PTOV1: variants seen among roughly 807,000 people sequenced by gnomAD.
PTOV1 encodes PTOV1 extended AT-hook containing adaptor protein, also known as prostate tumor-overexpressed gene 1 protein.
In PTOV1, 20 loss-of-function variants were observed where a neutral mutation model predicts 58.0. The observed-to-expected ratio is 0.34, with a 90% CI of 0.24 to 0.50. PTOV1 has a LOEUF of 0.50. PTOV1 is among the 20% of genes least tolerant of loss of function. The pLI is 0.98. For missense variants in PTOV1, 593 were observed against 565.4 expected (o/e 1.05, Z -0.50); for synonymous variants, 335 against 234.2 (o/e 1.43, Z -3.93).
At chr19:49,850,903 C>G, upstream of PTOV1, 1 of 1,535,902 alleles carries the variant, frequency 6.5e-7, no homozygotes, top group South Asian at 1.2e-5. Context: ...GCCGTCCCGA[C>G]CCCCGCAAGG....
In PTOV1 at chr19:49,857,165, A is replaced by G. The variant is rs1228897334; in HGVS notation, c.714+35A>G. On this transcript the variant is annotated intron_variant, in intron 6 of 11. Transcript: ENST00000391842. The stretch of plus-strand genomic sequence containing the variant: ...CCAAGCACAGCCCCTCTGGGGACAG[A>G]GGGGGATTAGACCCCACTGCCCTGG... 9 of 1,609,596 alleles carry G rather than the reference A, an allele frequency of 5.6e-6. No homozygotes were observed. In the East Asian group the frequency reaches 6.7e-5, roughly 12 times the overall value.
rs1334806135 is a variant in PTOV1, at chr19:49,858,829, G to GATGGGGC, written c.1041+178_1041+184dup. Reference sequence around the variant, plus strand: ...GCTCTGTGCTGTCCCCACGGCACTGGATGGGGCACTGACCCTGGTTCTGCG... The same window carrying GATGGGGC: ...GCTCTGTGCTGTCCCCACGGCACTGGATGGGGCATGGGGCACTGACCCTGGTTCTGCG... On this transcript the variant is annotated intron_variant, in intron 10 of 11. Coordinates refer to ENST00000391842, the Ensembl canonical transcript of PTOV1. The GATGGGGC allele has an allele frequency of 1.5e-5, 9 of 589,498 alleles. No homozygotes were observed. In the Admixed American group the frequency reaches 2.5e-4, roughly 16 times the overall value. The allele number at this position is 589,498 out of a possible 1,614,324, so 36.5% of individuals were successfully genotyped here.
At chr19:49,853,488 T>C (rs2074335787) in intron 1 of PTOV1, among the ~76,000 whole-genome samples, 2 of 130,446 alleles carry the variant, frequency 1.5e-5, no homozygotes, top group African/African-American at 3.0e-5. Context: ...AAACCCCATC[T>C]CTACTAAAAA....
At chr19:49,858,114 G>A (rs1397880125) in exon 9 of PTOV1, 9 of 1,613,294 alleles carry the variant, frequency 5.6e-6, no homozygotes, top group South Asian at 3.3e-5. Context: ...AGCAGCTGCT[G>A]GTGAGGGGCT....
rs1026284307 is a variant in PTOV1 at position 49,857,793 on chromosome 19, G to A, written c.804+11G>A. 41 of 1,613,748 alleles carry A rather than the reference G, an allele frequency of 2.5e-5. No individual in the cohort carries two copies. The highest frequency in any genetic ancestry group is 3.3e-5 in the Non-Finnish European group (39 of 1,179,846). ...ATGGAGTGGCAGGAGGTGAGCACTC[G>A]GCAGCCCAGGGACTTGGGACCCCCA... On this transcript the variant is annotated intron_variant, in intron 7 of 11. Coordinates refer to ENST00000391842, the Ensembl canonical transcript of PTOV1.
exon 1 of PTOV1, chr19:49,851,255 C>G: frequency 5.4e-6 from 6 of 1,117,384 alleles, no homozygotes. Context: ...CGCGCCCGCG[C>G]CCCTCAGTCG....
At chr19:49,852,605 T>C (rs1396204718) in intron 1 of PTOV1, 1 of 152,224 alleles carries the variant, frequency 6.6e-6, no homozygotes, top group African/African-American at 2.4e-5. Context: ...GATGTGCTGC[T>C]CCTGCTGTGG....
exon 12 of PTOV1, chr19:49,860,384 GGGGGGT>G: frequency 1.6e-6 from 2 of 1,274,286 alleles, no homozygotes; most frequent in Non-Finnish European, 2.2e-6. Context: ...GGGCATGTGG[GGGGGGT>G]GGGGTTGGGA....
chr19:49,860,381 T>TGGG (rs577978306), exon 12 of PTOV1: 31 of 321,074 alleles, frequency 9.7e-5, no homozygotes, highest in Middle Eastern at 9.4e-4. Context: ...CTGGGGCATG[T>TGGG]GGGGGGGGTG....
chr19:49,850,907 C>T (rs1223093539), upstream of PTOV1: 2 of 1,535,940 alleles, frequency 1.3e-6, no homozygotes, highest in Non-Finnish European at 1.7e-6. Context: ...TCCCGACCCC[C>T]GCAAGGGGCC....
At chr19:49,860,665 T>A in exon 12 of PTOV1, 1 of 398,376 alleles carries the variant, frequency 2.5e-6, no homozygotes, top group Non-Finnish European at 4.5e-6. Context: ...CCCAGCAACA[T>A]GGAGGATGGT....
chr19:49,858,274 T>G (rs140804493), intron 9 of PTOV1, 160 bp downstream of exon 9: 112 of 993,468 alleles, frequency 1.1e-4, no homozygotes, highest in Middle Eastern at 3.2e-4. Context: ...CAGGCTTGGC[T>G]TCAAGGGGTC....
chr19:49,860,106 A>T, exon 11 of PTOV1: 1 of 1,614,170 alleles, frequency 6.2e-7, no homozygotes, highest in South Asian at 1.1e-5. Context: ...CAACTTTGTC[A>T]ACGGCATCCG....
chr19:49,855,233 A>G, intron 5 of PTOV1, 156 bp downstream of exon 5: 3 of 683,196 alleles, frequency 4.4e-6, no homozygotes, highest in South Asian at 3.4e-5. Context: ...GACTGACTCC[A>G]GGCACCCTCC....
chr19:49,858,268 C>T (rs1040719937), intron 9 of PTOV1, 154 bp downstream of exon 9: 42 of 1,065,576 alleles, frequency 3.9e-5, no homozygotes, highest in Middle Eastern at 6.1e-4. Flanking sequence ...GCTCCTCAGG[C>T]TTGGCTTCAA....
chr19:49,857,720 G>T, exon 7 of PTOV1: 1 of 1,614,122 alleles, frequency 6.2e-7, no homozygotes, highest in South Asian at 1.1e-5. Context: ...TGTCAACTCA[G>T]GCCCAGTCCA....
intron 7 of PTOV1, 47 bp from the exon 8 acceptor site, chr19:49,857,857 T>G: frequency 1.2e-6 from 2 of 1,612,056 alleles, no homozygotes; most frequent in Non-Finnish European, 1.7e-6. Flanking sequence ...ACACTGGCAT[T>G]GGGGGTCTCC....
At chr19:49,851,074 C>G (rs1425914724), upstream of PTOV1, 8 of 1,461,188 alleles carry the variant, frequency 5.5e-6, no homozygotes, top group African/African-American at 7.3e-5. Flanking sequence ...CCCGCCCGGG[C>G]CCCGCTCCCC....
chr19:49,859,002 T>G (rs2074612784), intron 10 of PTOV1: 1 of 208,714 alleles, frequency 4.8e-6, no homozygotes, highest in African/African-American at 2.3e-5. Flanking sequence ...GGGAGGGCTG[T>G]CTGCCCCCAG....
Sources: allele counts gnomAD v4.1 joint callset (sites outside exome capture counted in the v4.1 genomes callset), GRCh38; gene constraint gnomAD v4.1.1; transcripts MANE v1.5; gene names NCBI Gene and HGNC (gene_info 2026-07-23, HGNC 2026-07-21).